ANK3: variants seen among roughly 807,000 people sequenced by gnomAD.
ANK3 encodes the protein ankyrin-3.
Under a neutral mutation model 370.9 loss-of-function variants are expected in ANK3, and 57 were observed. The ratio of observed to expected loss-of-function variants is 0.15; its 90% confidence interval spans 0.12 to 0.19. The LOEUF (loss-of-function observed/expected upper bound fraction) is 0.19, where lower values mean the gene tolerates loss of function less well. Ranked by LOEUF, ANK3 falls within the 10% of genes least tolerant of loss-of-function variation. The probability of loss-of-function intolerance (pLI) is 1.00; values close to 1 mark genes in which losing one functional copy is unlikely to be tolerated. For synonymous variants in ANK3, 1,929 were observed against 1,946.3 expected, an observed-to-expected ratio of 0.99 and a Z score of 0.23; for missense variants, 4,439 against 5,302.1, an observed-to-expected ratio of 0.84 and a Z score of 5.06.
At chr10:60,197,103 TTTC>T (rs1322662426) in intron 14 of ANK3, among the ~76,000 whole-genome samples, 12 of 152,284 alleles carry the variant, frequency 7.9e-5, no homozygotes, top group African/African-American at 2.6e-4. Flanking sequence ...ACCAGCCACT[TTTC>T]TTCTTCTTTC....
At position 60,278,881 on chromosome 10, in the gene ANK3, T is replaced by G; in HGVS notation, c.316-9A>C. Reference sequence around the variant, plus strand: ...AATGCTGTGTTTCCTTTCTGTGAAATGAAAGTCAAGATATATCAACTCATC... The same window carrying G: ...AATGCTGTGTTTCCTTTCTGTGAAAGGAAAGTCAAGATATATCAACTCATC... On this transcript the variant is annotated splice_polypyrimidine_tract_variant and intron_variant, in intron 3 of 43. Coordinates refer to ENST00000280772, the MANE Select transcript of ANK3 (RefSeq NM_020987.5). 6.2e-7 allele frequency: 1 copy of G among 1,612,242 alleles called. No homozygotes were observed.
At chr10:60,665,607 T>C (rs979927246) in intron 1 of ANK3, among the ~76,000 whole-genome samples, 5 of 152,206 alleles carry the variant, frequency 3.3e-5, no homozygotes, top group Non-Finnish European at 5.9e-5. Flanking sequence ...TGTTTTAAGA[T>C]AAATACAGTT....
At chr10:60,085,759 G>A (rs762994657) in intron 30 of ANK3, among the ~76,000 whole-genome samples, 1 of 152,086 alleles carries the variant, frequency 6.6e-6, no homozygotes, top group Non-Finnish European at 1.5e-5. Context: ...GGGATTACAG[G>A]TGCCTGCGAC....
intron 1 of ANK3, among the ~76,000 whole-genome samples, chr10:60,699,803 A>T (rs1333169455): frequency 1.3e-5 from 2 of 152,176 alleles, no homozygotes; most frequent in Non-Finnish European, 2.9e-5. Context: ...TTTTAATCTC[A>T]TTGGAAAAAT....
intron 2 of ANK3, among the ~76,000 whole-genome samples, chr10:60,553,911 A>G (rs1192697643): frequency 6.6e-6 from 1 of 152,194 alleles, no homozygotes; most frequent in Admixed American, 6.6e-5. Context: ...CCAAGGACTG[A>G]GCTGGTTGAT....
At chr10:60,033,476 T>A (rs1044566796) in intron 43 of ANK3, among the ~76,000 whole-genome samples, 1 of 114,718 alleles carries the variant, frequency 8.7e-6, no homozygotes, top group East Asian at 2.9e-4. Context: ...AATCGGGCCA[T>A]CACACTCCAG....
At chr10:60,503,896 C>A (rs921551020) in intron 2 of ANK3, among the ~76,000 whole-genome samples, 1 of 152,028 alleles carries the variant, frequency 6.6e-6, no homozygotes, top group African/African-American at 2.4e-5. Context: ...CTTATATATG[C>A]GTTATTTTTC....
intron 40 of ANK3, 111 bp from the exon 41 acceptor site, chr10:60,059,541 T>G (rs959732084): frequency 1.4e-5 from 17 of 1,251,844 alleles, no homozygotes; most frequent in Non-Finnish European, 1.9e-5. Context: ...TTGAATGTCC[T>G]CAAATAGAGA....
At chr10:60,326,884 G>A (rs926015174) in intron 1 of ANK3, among the ~76,000 whole-genome samples, 5 of 65,992 alleles carry the variant, frequency 7.6e-5, no homozygotes, top group East Asian at 4.2e-4. Flanking sequence ...AGTCGGGTGC[G>A]GTGCGGGCGC....
rs2098124894 is a variant in ANK3 at position 60,278,831 on chromosome 10, T to C, written c.357A>G (p.Gln119=). ...TAACCAAGACTTTTACCACCTCTGC[T>C]TGCCCAGCCAAAGATGCGATGTGCA... ...TALHIASLAG[Q]AEVVKVLVTN... The change falls in exon 4 of 44, where the codon CAA becomes CAG. Residue 119 remains glutamine, a synonymous_variant. Coordinates refer to ENST00000280772, the MANE Select transcript of ANK3 (RefSeq NM_020987.5). 6.2e-7 allele frequency: 1 copy of C among 1,613,994 alleles called. No homozygotes were observed. Among genetic ancestry groups the C allele is most frequent in the South Asian group, 1.1e-5 (1 of 91,072 alleles).
intron 5 of ANK3, 68 bp downstream of exon 5, chr10:60,270,063 C>G (rs955699537): frequency 3.8e-6 from 4 of 1,044,918 alleles, no homozygotes; most frequent in Non-Finnish European, 5.4e-6. Flanking sequence ...GACAAATTCA[C>G]AACTCCAGGT....
At chr10:60,530,610 C>T (rs1269643895) in intron 2 of ANK3, among the ~76,000 whole-genome samples, 1 of 152,168 alleles carries the variant, frequency 6.6e-6, no homozygotes, top group African/African-American at 2.4e-5. Flanking sequence ...ATGTGCCTTC[C>T]TCACCTTACC....
intron 1 of ANK3, among the ~76,000 whole-genome samples, chr10:60,669,781 C>T (rs544278281): frequency 6.6e-6 from 1 of 152,188 alleles, no homozygotes; most frequent in African/African-American, 2.4e-5. Context: ...GTCACAGGCC[C>T]TCTTCCTTTC....
chr10:60,233,690 G>A (rs2097284969), intron 8 of ANK3, among the ~76,000 whole-genome samples: 1 of 152,096 alleles, frequency 6.6e-6, no homozygotes, highest in Admixed American at 6.6e-5. Flanking sequence ...TCCTGCCTTG[G>A]CCTCTAAAAA....
chr10:60,054,669 TAA>T (rs1429896079), intron 42 of ANK3, among the ~76,000 whole-genome samples: 10 of 152,210 alleles, frequency 6.6e-5, no homozygotes. Context: ...TTGAGTTTGC[TAA>T]AAGTCTTCCT....
intron 1 of ANK3, among the ~76,000 whole-genome samples, chr10:60,726,874 T>C (rs536254002): frequency 6.6e-6 from 1 of 152,242 alleles, no homozygotes; most frequent in South Asian, 2.1e-4. Flanking sequence ...GCTTGTAAAG[T>C]CTTATTTAAC....
At chr10:60,547,183 T>C (rs1321165970) in intron 2 of ANK3, among the ~76,000 whole-genome samples, 2 of 147,060 alleles carry the variant, frequency 1.4e-5, no homozygotes, top group African/African-American at 2.5e-5. Flanking sequence ...CTCCACCTCC[T>C]GGGCTCAAAC....
At chr10:60,038,113 G>A (rs553753544) in intron 43 of ANK3, among the ~76,000 whole-genome samples, 5 of 152,226 alleles carry the variant, frequency 3.3e-5, no homozygotes, top group Admixed American at 6.5e-5. Context: ...GTGTCTGTGC[G>A]TGGCTGGGCA....
chr10:60,131,448 G>A (rs1377930810), intron 25 of ANK3, among the ~76,000 whole-genome samples: 1 of 152,176 alleles, frequency 6.6e-6, no homozygotes, highest in East Asian at 1.9e-4. Flanking sequence ...ATTTTCAGAT[G>A]TCCTATGCTC....
Sources: gnomAD v4.1 joint callset for allele counts (sites outside exome capture counted in the v4.1 genomes callset) on GRCh38, gnomAD v4.1.1 for gene constraint, MANE v1.5 for transcripts, NCBI Gene and HGNC (gene_info 2026-07-23, HGNC 2026-07-21) for gene names.